RAP1GAP2: variants seen among roughly 807,000 people sequenced by gnomAD.
RAP1GAP2 encodes rap1 GTPase-activating protein 2.
In RAP1GAP2, 27 loss-of-function variants were observed where a neutral mutation model predicts 95.0. The observed-to-expected ratio is 0.28, with a 90% CI of 0.21 to 0.39. The LOEUF is 0.39. Among genes scored for constraint, RAP1GAP2 ranks in the 10% least tolerant of loss-of-function variants. RAP1GAP2 has a pLI of 1.00. For missense variants in RAP1GAP2, 771 were observed against 970.0 expected, an observed-to-expected ratio of 0.79 and a Z score of 2.72; for synonymous variants, 373 against 380.9, an observed-to-expected ratio of 0.98 and a Z score of 0.24.
rs2069139634 is a variant in RAP1GAP2 at position 2,797,864 on chromosome 17, A to G, written c.44+1293A>G. On this transcript the variant is annotated intron_variant, in intron 1 of 24. Coordinates refer to ENST00000254695, the MANE Select transcript of RAP1GAP2 (RefSeq NM_015085.5). The surrounding 1 kb of genome is among the most constrained non-coding windows in gnomAD (Gnocchi z 5.6). Reference sequence around the variant, plus strand: ...TGTGTGTCTTGGCTGTGGGCCTTGCAGGGCAGGGCCCAGCAATTAGATTGT... The same window carrying G: ...TGTGTGTCTTGGCTGTGGGCCTTGCGGGGCAGGGCCCAGCAATTAGATTGT... 1.2e-6 allele frequency: 1 copy of G among 834,134 alleles called. No homozygotes were observed. Among genetic ancestry groups the G allele is most frequent in the Non-Finnish European group, 1.4e-6 (1 of 692,110 alleles). 51.7% of individuals were successfully genotyped at this position (834,134 alleles called of 1,614,324 possible).
At chr17:2,776,879 G>A (rs1451024820), upstream of RAP1GAP2, among the ~76,000 whole-genome samples, 3 of 152,012 alleles carry the variant, frequency 2.0e-5, no homozygotes, top group East Asian at 1.9e-4. Flanking sequence ...GAGGGAGGGG[G>A]CGACCGCGGG....
chr17:2,850,083 C>A (rs2071768082), intron 2 of RAP1GAP2, among the ~76,000 whole-genome samples: 1 of 149,668 alleles, frequency 6.7e-6, no homozygotes. Flanking sequence ...TCACTGCAAC[C>A]TCTGCCTCCC....
rs563867822 is a variant in RAP1GAP2, at chr17:3,010,116, C to T, written c.1494+1971C>T. Among the ~76,000 whole-genome samples the T allele has an allele frequency of 3.9e-5, 6 of 152,102 alleles. No individual in the cohort carries two copies. In the South Asian group the frequency reaches 6.2e-4, roughly 16 times the overall value. ...CAGCACTTTGGGAGGCCGAGGCAGGCGGATCACGAGGTCAGGAGATCGAGA... is the reference window on the plus strand; with the variant it reads ...CAGCACTTTGGGAGGCCGAGGCAGGTGGATCACGAGGTCAGGAGATCGAGA... On this transcript the variant is annotated intron_variant, in intron 17 of 24. Coordinates refer to ENST00000254695, the MANE Select transcript of RAP1GAP2 (RefSeq NM_015085.5).
At chr17:2,853,983 G>T in intron 2 of RAP1GAP2, 1 of 984,304 alleles carries the variant, frequency 1.0e-6, no homozygotes, top group Non-Finnish European at 1.2e-6. Flanking sequence ...CGGGCACCGC[G>T]GGCGGCCTCG....
chr17:2,810,131 G>C (rs561803827), intron 2 of RAP1GAP2, among the ~76,000 whole-genome samples: 61 of 151,888 alleles, frequency 4.0e-4, no homozygotes, highest in Admixed American at 7.9e-4. Flanking sequence ...GCTAGGGCTG[G>C]ACAGAGGGCT....
chr17:2,800,354 C>T (rs1188911466), intron 1 of RAP1GAP2, 161 bp from the exon 2 acceptor site: 15 of 732,424 alleles, frequency 2.0e-5, no homozygotes, highest in Non-Finnish European at 2.3e-5. Flanking sequence ...CACTCAGAGG[C>T]GTCTCTCCCC....
chr17:2,911,211 C>T (rs73312076), intron 3 of RAP1GAP2, among the ~76,000 whole-genome samples: 33 of 151,380 alleles, frequency 2.2e-4, no homozygotes, highest in African/African-American at 7.4e-4. Flanking sequence ...TGCTGCTACC[C>T]GACCTATACG....
At chr17:3,013,379 G>A (rs1349506137) in intron 17 of RAP1GAP2, among the ~76,000 whole-genome samples, 3 of 152,180 alleles carry the variant, frequency 2.0e-5, no homozygotes, top group South Asian at 2.1e-4. Context: ...GGGGGTCCAC[G>A]AGAGAGCTCA....
At chr17:2,868,593 G>C (rs1079531) in intron 2 of RAP1GAP2, among the ~76,000 whole-genome samples, 107,758 of 150,226 alleles carry the variant, frequency 0.72, 38,977 homozygotes, top group East Asian at 0.86. Flanking sequence ...TCTCAGCTCA[G>C]TGCAAGCTCC....
intron 1 of RAP1GAP2, among the ~76,000 whole-genome samples, chr17:2,789,995 A>G (rs1489727632): frequency 6.6e-6 from 1 of 152,014 alleles, no homozygotes; most frequent in East Asian, 1.9e-4. Context: ...TGCAGATGCT[A>G]GGTGCTGTTT....
intron 3 of RAP1GAP2, among the ~76,000 whole-genome samples, chr17:2,914,770 G>A (rs1411654066): frequency 6.7e-6 from 1 of 148,342 alleles, no homozygotes; most frequent in Admixed American, 6.8e-5. Context: ...GATTACAGGT[G>A]CGAGCCACTG....
At chr17:2,881,260 CA>C (rs144994676) in intron 2 of RAP1GAP2, among the ~76,000 whole-genome samples, 1,394 of 119,856 alleles carry the variant, frequency 0.012, 18 homozygotes, top group African/African-American at 0.03. Context: ...GACTCTGCCT[CA>C]AAAAAAAAAA....
chr17:2,950,786 T>G (rs921259957), intron 3 of RAP1GAP2, among the ~76,000 whole-genome samples: 1 of 151,860 alleles, frequency 6.6e-6, no homozygotes, highest in Non-Finnish European at 1.5e-5. Context: ...AATTTTTGTA[T>G]TTTTAGTAGA....
At chr17:2,922,295 T>A (rs1251779752) in intron 3 of RAP1GAP2, among the ~76,000 whole-genome samples, 2 of 152,224 alleles carry the variant, frequency 1.3e-5, no homozygotes, top group African/African-American at 4.8e-5. Context: ...GAACCTTTAT[T>A]ACCTGGTCAC....
chr17:2,915,300 A>G (rs2873474), intron 3 of RAP1GAP2, among the ~76,000 whole-genome samples: 32,511 of 150,708 alleles, frequency 0.22, 4,406 homozygotes, highest in African/African-American at 0.36. Flanking sequence ...GTGCGAACAG[A>G]GCTCACTGCA....
chr17:2,829,817 A>ATT lies in RAP1GAP2; in HGVS notation c.80+29284_80+29285dup, dbSNP rs34423747. On this transcript the variant is annotated intron_variant, in intron 2 of 24. Transcript: ENST00000254695. ...TAAGAGCCTGGTCTCTCTCTCTTAA[A>ATT]TTTTTTTTTTTTTTTTTTGAGATGA... Among the ~76,000 whole-genome samples, 996 of 130,934 alleles carry ATT rather than the reference A, an allele frequency of 7.6e-3. 12 individuals carry two copies. The highest frequency in any genetic ancestry group is 0.018 in the African/African-American group (625 of 34,096). 85.9% of individuals were successfully genotyped at this position (130,934 alleles called of 152,430 possible). A position where few individuals can be genotyped will look rare whatever the true frequency, so the allele number is the denominator to read the frequency against.
intron 21 of RAP1GAP2, among the ~76,000 whole-genome samples, 190 bp from the exon 22 acceptor site, chr17:3,026,754 G>C (rs1448482531): frequency 6.6e-6 from 1 of 152,204 alleles, no homozygotes; most frequent in African/African-American, 2.4e-5. Context: ...GCCCCAGGGG[G>C]CTGGGTCAAA....
At chr17:2,803,975 G>A (rs955354973) in intron 2 of RAP1GAP2, among the ~76,000 whole-genome samples, 8 of 152,334 alleles carry the variant, frequency 5.3e-5, no homozygotes, top group African/African-American at 1.9e-4. Flanking sequence ...ACAGACAGAT[G>A]GATCCAGTAG....
intron 2 of RAP1GAP2, among the ~76,000 whole-genome samples, chr17:2,820,835 C>T (rs1420615812): frequency 1.3e-5 from 2 of 150,020 alleles, no homozygotes; most frequent in Non-Finnish European, 2.9e-5. Flanking sequence ...AATTCTCCTG[C>T]CTCAGCCTCC....
Sources: gnomAD v4.1 joint callset for allele counts (sites outside exome capture counted in the v4.1 genomes callset) on GRCh38, gnomAD v4.1.1 for gene constraint, Gnocchi (gnomAD v3.1) non-coding constraint, MANE v1.5 for transcripts, NCBI Gene and HGNC (gene_info 2026-07-23, HGNC 2026-07-21) for gene names.